Variants in FAM227A observed in about 807,000 individuals in gnomAD.
The protein encoded by FAM227A is family with sequence similarity 227 member A.
A neutral mutation model predicts 74.7 loss-of-function variants in FAM227A; 80 were observed. The observed-to-expected ratio is 1.07, with a 90% CI of 0.89 to 1.29. The LOEUF (loss-of-function observed/expected upper bound fraction) is 1.29, where lower values mean the gene tolerates loss of function less well. FAM227A is among the 50% of genes most tolerant of loss of function. FAM227A has a pLI of 0.00. For synonymous variants in FAM227A, 237 were observed against 241.8 expected (o/e 0.98, Z 0.19); for missense variants, 654 against 683.4 (o/e 0.96, Z 0.48).
intron 15 of FAM227A, among the ~76,000 whole-genome samples, chr22:38,596,961 C>T (rs552997746): frequency 3.3e-5 from 5 of 151,770 alleles, no homozygotes; most frequent in Non-Finnish European, 5.9e-5. Context: ...ATGTGGTTTC[C>T]GGGTCCTTTG....
At chr22:38,590,485 G>A (rs1176068425) in intron 16 of FAM227A, among the ~76,000 whole-genome samples, 1 of 152,156 alleles carries the variant, frequency 6.6e-6, no homozygotes, top group East Asian at 1.9e-4. Context: ...CCACAGAAGG[G>A]AAGAGGATCA....
chr22:38,597,041 C>A (rs1191436911), intron 15 of FAM227A, among the ~76,000 whole-genome samples, 163 bp downstream of exon 15: 1 of 151,980 alleles, frequency 6.6e-6, no homozygotes, highest in Non-Finnish European at 1.5e-5. Context: ...AAGCTCTGGT[C>A]TCTGTTATTA....
intron 9 of FAM227A, among the ~76,000 whole-genome samples, chr22:38,625,473 T>TG (rs1276598303): frequency 5.9e-5 from 9 of 151,334 alleles, no homozygotes; most frequent in East Asian, 3.9e-4. Context: ...GATTGGCCAC[T>TG]GGGGGGTCAC....
Position 38,626,275 on chromosome 22 carries a change from A to C in FAM227A, c.755T>G (p.Val252Gly), listed in dbSNP as rs1284645353. 3.3e-5 allele frequency: 51 copies of C among 1,551,570 alleles called. No homozygotes were observed. Among genetic ancestry groups the C allele is most frequent in the Non-Finnish European group, 4.3e-5 (49 of 1,146,944 alleles). ...KRLPSLLSKAVYTSFCCCFPQ... is the reference protein window; with the variant it reads ...KRLPSLLSKAGYTSFCCCFPQ... ...AAAGCAGCAACAGAAGCTGGTGTAC[A>C]CGGCTTTGCTGAGAAGTGATGGCAG... The change falls in exon 9 of 17, where the codon GTG becomes GGG. Residue 252 changes from valine (V) to glycine (G), a missense_variant. Transcript: ENST00000535113.
At chr22:38,643,325 AAAAT>A (rs3042711) in intron 3 of FAM227A, among the ~76,000 whole-genome samples, 2 of 136,610 alleles carry the variant, frequency 1.5e-5, no homozygotes, top group South Asian at 2.3e-4. Flanking sequence ...CAAAAAAAAA[AAAAT>A]AGTGGGTGGG....
At position 38,581,175 on chromosome 22, in the gene FAM227A, CCTCT is replaced by C. The variant is rs1469718142; in HGVS notation, c.*4946_*4949del. 3 of 152,154 alleles carry C rather than the reference CCTCT, an allele frequency of 2.0e-5. No homozygotes were observed. The highest frequency in any genetic ancestry group is 7.2e-5 in the African/African-American group (3 of 41,430). 9.4% of individuals were successfully genotyped at this position (152,154 alleles called of 1,614,324 possible). On this transcript the variant is annotated 3_prime_UTR_variant, in exon 17 of 17. Transcript: ENST00000535113. ...CAATTATTATTAATGCCCAAATGGT[CCTCT>C]CTTTTAGCTAATGGGATTGTCTCTA...
chr22:38,595,336 T>G (rs577738917), intron 15 of FAM227A, among the ~76,000 whole-genome samples: 1 of 152,250 alleles, frequency 6.6e-6, no homozygotes, highest in East Asian at 1.9e-4. Flanking sequence ...CTTGGCCAGA[T>G]ATTTCCCATG....
intron 11 of FAM227A, among the ~76,000 whole-genome samples, chr22:38,610,898 A>G (rs910366179): frequency 6.6e-6 from 1 of 152,022 alleles, no homozygotes; most frequent in African/African-American, 2.4e-5. Context: ...TGTCTCTACT[A>G]AAAATACAAA....
chr22:38,652,616 G>A (rs1315419522), intron 1 of FAM227A, among the ~76,000 whole-genome samples: 1 of 147,582 alleles, frequency 6.8e-6, no homozygotes, highest in Non-Finnish European at 1.5e-5. Context: ...GTCGGGCGTG[G>A]TGGCTTACGC....
rs533703528 is a variant in FAM227A at position 38,593,374 on chromosome 22, G to A, written c.1533-1834C>T. ...AAAAAAATTAGCCGGGCATGGTGGC[G>A]GACACCTGCAGTCCCAGCTACTTGG... On this transcript the variant is annotated intron_variant, in intron 15 of 16. Coordinates refer to ENST00000535113, the MANE Select transcript of FAM227A (RefSeq NM_001013647.2). Among the ~76,000 whole-genome samples the A allele has an allele frequency of 1.2e-3, 187 of 152,140 alleles. 2 individuals carry two copies. The Middle Eastern group carries it at 0.027, about 22-fold the overall frequency.
chr22:38,649,842 TG>T (rs2092297289), intron 2 of FAM227A, 184 bp downstream of exon 2: 1 of 560,722 alleles, frequency 1.8e-6, no homozygotes, highest in South Asian at 2.4e-5. Flanking sequence ...CACTCCAGCC[TG>T]GGTAACAGTG....
At position 38,641,600 on chromosome 22, in the gene FAM227A, C is replaced by G. The variant is rs953478769; in HGVS notation, c.226-1876G>C. Among the ~76,000 whole-genome samples the G allele has an allele frequency of 6.2e-4, 93 of 150,758 alleles. 1 individual carries two copies. The highest frequency in any genetic ancestry group is 5.0e-3 in the Admixed American group (76 of 15,118). On this transcript the variant is annotated intron_variant, in intron 3 of 16. Coordinates refer to ENST00000535113, the MANE Select transcript of FAM227A (RefSeq NM_001013647.2). The stretch of plus-strand genomic sequence containing the variant: ...AAAGAGAGAAAAACCTGCAGGCGAA[C>G]TTGCCTGCAGCTCACAGGATCTCTC...
At chr22:38,647,163 T>C (rs11703263) in intron 2 of FAM227A, among the ~76,000 whole-genome samples, 5 of 109,338 alleles carry the variant, frequency 4.6e-5, no homozygotes, top group African/African-American at 1.7e-4. Flanking sequence ...ATAAATAAAA[T>C]AAAACAAAAC....
At chr22:38,628,615 C>A (rs1419735460) in intron 7 of FAM227A, among the ~76,000 whole-genome samples, 2 of 152,188 alleles carry the variant, frequency 1.3e-5, no homozygotes. Flanking sequence ...AGCTGTGCAA[C>A]CAGCTCCTAA....
intron 1 of FAM227A, 49 bp downstream of exon 1, chr22:38,656,071 G>C (rs2092388355): frequency 6.6e-6 from 1 of 152,454 alleles, no homozygotes; most frequent in South Asian, 2.1e-4. Flanking sequence ...CACGGGGAGG[G>C]GGCAGGCTGC....
Position 38,599,840 on chromosome 22 carries a change from G to C in FAM227A, c.1303C>G (p.Leu435Val), listed in dbSNP as rs1182815420. ...YGKSPLIVYFLQNYASLQQHG... is the reference protein window; with the variant it reads ...YGKSPLIVYFVQNYASLQQHG... ...TGCTGCAGACTGGCATAGTTCTGGA[G>C]AAAGTACACAATCAGAGGGCTCTTC... is the stretch of plus-strand genomic sequence containing the variant. Residue 435 changes from leucine (L) to valine (V), a missense_variant, in exon 14 of 17, where the codon CTC becomes GTC. Coordinates refer to ENST00000535113, the MANE Select transcript of FAM227A (RefSeq NM_001013647.2). The C allele has an allele frequency of 6.4e-7, 1 of 1,551,638 alleles. No individual in the cohort carries two copies. The highest frequency in any genetic ancestry group is 2.0e-5 in the Admixed American group (1 of 50,988).
At chr22:38,590,049 C>G (rs1267137707) in intron 16 of FAM227A, among the ~76,000 whole-genome samples, 1 of 151,640 alleles carries the variant, frequency 6.6e-6, no homozygotes, top group African/African-American at 2.4e-5. Context: ...GAGTTTGAGA[C>G]TAGCCTGGCC....
chr22:38,591,521 G>T lies in FAM227A; in HGVS notation c.1552C>A (p.Pro518Thr), dbSNP rs78539182. ...NFSREMKNID[P>T]KAADTKKANH... ...GCCTTTTTTGTATCTGCTGCTTTTGGATCAATATTCTTCATTTCCCTGGGA... is the reference window on the plus strand; with the variant it reads ...GCCTTTTTTGTATCTGCTGCTTTTGTATCAATATTCTTCATTTCCCTGGGA... The change falls in exon 16 of 17, where the codon CCA becomes ACA. Residue 518 changes from proline to threonine, a missense_variant. Physicochemically the swap from Pro to Thr is conservative, Grantham distance 38. Coordinates refer to ENST00000535113, the MANE Select transcript of FAM227A (RefSeq NM_001013647.2). 25 of 1,544,614 alleles carry T rather than the reference G, an allele frequency of 1.6e-5. No homozygotes were observed. The East Asian group carries it at 5.4e-4, about 33-fold the overall frequency.
At chr22:38,593,140 T>G (rs1215248830) in intron 15 of FAM227A, among the ~76,000 whole-genome samples, 2 of 152,244 alleles carry the variant, frequency 1.3e-5, no homozygotes, top group African/African-American at 4.8e-5. Flanking sequence ...GAGACAGATA[T>G]GAGAGCAATC....
Sources: gnomAD v4.1 joint callset for allele counts (sites outside exome capture counted in the v4.1 genomes callset) on GRCh38, gnomAD v4.1.1 for gene constraint, MANE v1.5 for transcripts, NCBI Gene and HGNC (gene_info 2026-07-23, HGNC 2026-07-21) for gene names.